DGKI: variants seen among roughly 807,000 people sequenced by gnomAD.
DGKI encodes the protein diacylglycerol kinase iota.
A neutral mutation model predicts 147.5 loss-of-function variants in DGKI; 55 were observed. The ratio of observed to expected loss-of-function variants is 0.37; its 90% CI spans 0.30 to 0.47. The LOEUF (loss-of-function observed/expected upper bound fraction) is 0.47. Among genes scored for constraint, DGKI ranks in the 20% least tolerant of loss-of-function variants. DGKI has a pLI of 1.00. For missense variants in DGKI, 1,007 were observed against 1,323.8 expected, an observed-to-expected ratio of 0.76 and a Z score of 3.71; for synonymous variants, 469 against 477.1, an observed-to-expected ratio of 0.98 and a Z score of 0.22.
At chr7:137,552,634 C>T (rs541636415) in intron 19 of DGKI, 66 bp from the exon 20 acceptor site, 37 of 1,539,676 alleles carry the variant, frequency 2.4e-5, no homozygotes, top group Admixed American at 6.8e-5. Flanking sequence ...GGAGGCCAGG[C>T]GCTGTGGCTC....
In DGKI at chr7:137,678,107, C is replaced by A. The variant is rs145673020; in HGVS notation, c.606+450G>T. On this transcript the variant is annotated intron_variant, in intron 3 of 32. Coordinates refer to ENST00000614521, the MANE Select transcript of DGKI (RefSeq NM_001321708.2). ...AGTCTGGATTATTTGTTAGCCTACA[C>A]CCATTCCCAGCACAGGTGTTTCCCT... Among the ~76,000 whole-genome samples the A allele has an allele frequency of 6.1e-3, 928 of 152,284 alleles. 8 individuals carry two copies. The highest frequency in any genetic ancestry group is 0.042 in the South Asian group (202 of 4,828).
intron 28 of DGKI, among the ~76,000 whole-genome samples, chr7:137,425,649 G>GA (rs902573563): frequency 1.3e-5 from 2 of 152,044 alleles, no homozygotes; most frequent in Non-Finnish European, 2.9e-5. Flanking sequence ...TAAAAACTTT[G>GA]AAAAAAATTT....
Position 137,479,840 on chromosome 7 carries a change from C to A in DGKI, c.2373+5534G>T, listed in dbSNP as rs1026525392. ...CCAACATCTCCCACATACAAGCCAT[C>A]TATCCATTTTTTTAACATAATGTTG... On this transcript the variant is annotated intron_variant, in intron 23 of 32. Coordinates refer to ENST00000614521, the MANE Select transcript of DGKI (RefSeq NM_001321708.2). Among the ~76,000 whole-genome samples the A allele has an allele frequency of 2.6e-5, 4 of 152,106 alleles. No individual in the cohort carries two copies. In the South Asian group the frequency reaches 8.3e-4, roughly 31 times the overall value.
At chr7:137,706,929 T>A (rs1411342959) in intron 1 of DGKI, among the ~76,000 whole-genome samples, 2 of 152,186 alleles carry the variant, frequency 1.3e-5, no homozygotes, top group Admixed American at 1.3e-4. Context: ...TTATTGACCT[T>A]CCAGAGGGAA....
At chr7:137,839,988 T>C (rs1300584084) in intron 1 of DGKI, among the ~76,000 whole-genome samples, 2 of 152,224 alleles carry the variant, frequency 1.3e-5, no homozygotes, top group South Asian at 4.1e-4. Context: ...AACATTCATA[T>C]GCAAAGATCT....
intron 1 of DGKI, among the ~76,000 whole-genome samples, chr7:137,769,060 G>A (rs1165550092): frequency 6.6e-6 from 1 of 152,204 alleles, no homozygotes; most frequent in Non-Finnish European, 1.5e-5. Context: ...TAGAAAGTGG[G>A]TCAGGAAATT....
chr7:137,556,716 T>C (rs1052707768), intron 19 of DGKI, among the ~76,000 whole-genome samples: 1 of 152,176 alleles, frequency 6.6e-6, no homozygotes, highest in African/African-American at 2.4e-5. Flanking sequence ...AACAGAATAA[T>C]TCAATACTCT....
chr7:137,845,178 T>G (rs552606493), intron 1 of DGKI, among the ~76,000 whole-genome samples: 2 of 152,224 alleles, frequency 1.3e-5, no homozygotes, highest in African/African-American at 4.8e-5. Context: ...AGCAACAACC[T>G]CACCAGGAAG....
At chr7:137,673,147 A>G (rs1435963438) in intron 3 of DGKI, among the ~76,000 whole-genome samples, 1 of 152,118 alleles carries the variant, frequency 6.6e-6, no homozygotes, top group Non-Finnish European at 1.5e-5. Context: ...AGATGAACTC[A>G]TCCTAATTAA....
intron 1 of DGKI, among the ~76,000 whole-genome samples, chr7:137,813,435 T>C (rs575621413): frequency 1.3e-5 from 2 of 152,306 alleles, no homozygotes; most frequent in East Asian, 3.9e-4. Context: ...ACCATGATCA[T>C]CACTTTCAGT....
chr7:137,781,035 C>T (rs1796502381), intron 1 of DGKI, among the ~76,000 whole-genome samples: 2 of 152,226 alleles, frequency 1.3e-5, no homozygotes, highest in South Asian at 2.1e-4. Context: ...CCACATCTGA[C>T]ATCAGACATG....
intron 6 of DGKI, among the ~76,000 whole-genome samples, chr7:137,637,360 T>C (rs772884456): frequency 2.6e-5 from 4 of 152,178 alleles, no homozygotes; most frequent in African/African-American, 4.8e-5. Context: ...GAGAAGACCA[T>C]GAAAAAGGAA....
At chr7:137,450,664 G>T (rs970820728) in intron 27 of DGKI, among the ~76,000 whole-genome samples, 12 of 152,144 alleles carry the variant, frequency 7.9e-5, no homozygotes, top group Non-Finnish European at 1.6e-4. Context: ...AGAGGTTGCA[G>T]TGAGCCAAGA....
intron 20 of DGKI, among the ~76,000 whole-genome samples, chr7:137,546,254 G>A (rs1356716194): frequency 1.3e-5 from 2 of 152,116 alleles, no homozygotes; most frequent in African/African-American, 4.8e-5. Context: ...GCAGGTCGGG[G>A]GGTGTAGGGG....
intron 6 of DGKI, among the ~76,000 whole-genome samples, chr7:137,643,088 G>A (rs969711134): frequency 4.0e-5 from 6 of 151,484 alleles, no homozygotes; most frequent in African/African-American, 9.7e-5. Flanking sequence ...TCAGGAGATC[G>A]AGACCATCTT....
intron 1 of DGKI, among the ~76,000 whole-genome samples, chr7:137,808,147 T>C (rs1279745272): frequency 6.6e-6 from 1 of 152,194 alleles, no homozygotes; most frequent in Non-Finnish European, 1.5e-5. Context: ...AAGGACAACG[T>C]AGTAGATAAT....
chr7:137,710,307 A>G (rs1794174028), intron 1 of DGKI, among the ~76,000 whole-genome samples: 1 of 152,140 alleles, frequency 6.6e-6, no homozygotes, highest in East Asian at 1.9e-4. Flanking sequence ...AAGAACAAAG[A>G]ACAAAAGGAG....
chr7:137,783,759 T>A (rs1796588428), intron 1 of DGKI, among the ~76,000 whole-genome samples: 1 of 152,212 alleles, frequency 6.6e-6, no homozygotes, highest in Admixed American at 6.5e-5. Context: ...GAAAAACCTA[T>A]CAGATTAACA....
intron 1 of DGKI, among the ~76,000 whole-genome samples, chr7:137,812,824 G>A (rs73152549): frequency 0.011 from 1,623 of 152,200 alleles, 13 homozygotes; most frequent in South Asian, 0.021. Flanking sequence ...GCTATGTTGC[G>A]CCTTTGTGTG....
Sources: gnomAD v4.1 joint callset for allele counts (sites outside exome capture counted in the v4.1 genomes callset) on GRCh38, gnomAD v4.1.1 for gene constraint, MANE v1.5 for transcripts, NCBI Gene and HGNC (gene_info 2026-07-23, HGNC 2026-07-21) for gene names.